ATP6V1B1: variants seen among roughly 807,000 people sequenced by gnomAD.
ATP6V1B1 encodes V-type proton ATPase subunit B, kidney isoform.
ATP6V1B1 carries 41 observed loss-of-function variants against 62.1 expected under a neutral mutation model. The observed-to-expected ratio is 0.66, with a 90% CI of 0.51 to 0.86. The LOEUF (loss-of-function observed/expected upper bound fraction) is 0.86. Among genes scored for constraint, ATP6V1B1 ranks in the 40% least tolerant of loss-of-function variants. ATP6V1B1 has a pLI of 0.00. For missense variants in ATP6V1B1, 651 were observed against 697.5 expected (o/e 0.93, Z 0.75); for synonymous variants, 253 against 273.4 (o/e 0.93, Z 0.74).
chr2:70,942,712 G>A (rs2104803179), intron 1 of ATP6V1B1, among the ~76,000 whole-genome samples: 1 of 152,328 alleles, frequency 6.6e-6, no homozygotes, highest in East Asian at 1.9e-4. Flanking sequence ...GAGGGGTTGG[G>A]CCACTCCCCT....
chr2:70,961,806 C>G, intron 8 of ATP6V1B1, 113 bp downstream of exon 8: 1 of 1,044,364 alleles, frequency 9.6e-7, no homozygotes, highest in Non-Finnish European at 1.5e-6. Flanking sequence ...TACGCCAGAG[C>G]TGGGAGAACA....
Position 70,962,704 on chromosome 2 carries a change from C to T in ATP6V1B1, c.786-73C>T, listed in dbSNP as rs868955612. On this transcript the variant is annotated intron_variant, in intron 8 of 13. Transcript: ENST00000234396. ...AACACCAGCTTCCCAGTTCACCTTG[C>T]GCTCAGCCCCCAGGCTATGTGGTGC... 63 of 1,600,094 alleles carry T rather than the reference C, an allele frequency of 3.9e-5. No individual in the cohort carries two copies. The Middle Eastern group carries it at 3.7e-3, about 94-fold the overall frequency.
chr2:70,945,934 G>A (rs935889267), intron 2 of ATP6V1B1, among the ~76,000 whole-genome samples: 2 of 151,310 alleles, frequency 1.3e-5, no homozygotes, highest in African/African-American at 4.9e-5. Context: ...TCTACTTTTT[G>A]TGGTTTTATT....
rs1415546070 is a variant in ATP6V1B1, at chr2:70,936,462, G to A, written c.118+390G>A. 3.9e-5 allele frequency among the ~76,000 whole-genome samples: 6 copies of A among 152,230 alleles called. 1 individual carries two copies. In the South Asian group the frequency reaches 1.0e-3, roughly 26 times the overall value. On this transcript the variant is annotated intron_variant, in intron 1 of 13. Transcript: ENST00000234396. ...CCAAGCACTCAGAGTCAGGCGGGGTGTGATTAAGTGTACTTGGAGTGGTGT... is the reference window on the plus strand; with the variant it reads ...CCAAGCACTCAGAGTCAGGCGGGGTATGATTAAGTGTACTTGGAGTGGTGT...
intron 2 of ATP6V1B1, among the ~76,000 whole-genome samples, chr2:70,949,095 C>A (rs1465747561): frequency 6.6e-6 from 1 of 152,160 alleles, no homozygotes; most frequent in Non-Finnish European, 1.5e-5. Flanking sequence ...AGGAAAGACA[C>A]GTAAAGTTAA....
rs576794881 is a variant in ATP6V1B1 at position 70,942,436 on chromosome 2, G to A, written c.119-1222G>A. 7.5e-6 allele frequency: 3 copies of A among 398,636 alleles called. No homozygotes were observed. The South Asian group carries it at 3.8e-4, about 51-fold the overall frequency. 24.7% of individuals were successfully genotyped at this position (398,636 alleles called of 1,614,324 possible). ...AGTTGATCTTCCTAGTCCAAGTCCT[G>A]GTGAAAAGAGCTTAGATCAAACAAA... On this transcript the variant is annotated intron_variant, in intron 1 of 13. Transcript: ENST00000234396.
At chr2:70,942,767 C>A (rs1680035501) in intron 1 of ATP6V1B1, among the ~76,000 whole-genome samples, 1 of 152,226 alleles carries the variant, frequency 6.6e-6, no homozygotes. Flanking sequence ...CTCACAGACC[C>A]CCTGCCCACC....
In ATP6V1B1 at chr2:70,958,147, G is replaced by T; in HGVS notation, c.273+3G>T. On this transcript the variant is annotated splice_donor_region_variant and intron_variant, in intron 3 of 13. Coordinates refer to ENST00000234396, the MANE Select transcript of ATP6V1B1 (RefSeq NM_001692.4). ...CTGGCACCAAGGCGATTGTTCAGGTGAGTGGGGTCAATGGGACATTGGCTA... is the reference window on the plus strand; with the variant it reads ...CTGGCACCAAGGCGATTGTTCAGGTTAGTGGGGTCAATGGGACATTGGCTA... 1 of 1,613,888 alleles carries T rather than the reference G, an allele frequency of 6.2e-7. No individual in the cohort carries two copies. The highest frequency in any genetic ancestry group is 1.1e-5 in the South Asian group (1 of 91,012).
intron 1 of ATP6V1B1, chr2:70,939,771 G>GA (rs35340804): frequency 0.49 from 74,346 of 152,162 alleles, 18,393 homozygotes; most frequent in East Asian, 0.67. Flanking sequence ...CAGCAGTGGG[G>GA]AGAGGACCCA....
intron 7 of ATP6V1B1, 169 bp downstream of exon 7, chr2:70,961,191 C>T (rs1438522274): frequency 1.3e-6 from 1 of 740,926 alleles, no homozygotes; most frequent in Non-Finnish European, 2.3e-6. Flanking sequence ...CAGGGTGTCC[C>T]AAAGGCAATC....
intron 6 of ATP6V1B1, 56 bp from the exon 7 acceptor site, chr2:70,960,864 TG>T: frequency 6.8e-7 from 1 of 1,467,736 alleles, no homozygotes; most frequent in Non-Finnish European, 9.3e-7. Flanking sequence ...TGGTGCTCAG[TG>T]GGACAGGGGT....
At chr2:70,953,111 C>A (rs1248908658) in intron 2 of ATP6V1B1, among the ~76,000 whole-genome samples, 1 of 152,160 alleles carries the variant, frequency 6.6e-6, no homozygotes, top group East Asian at 1.9e-4. Flanking sequence ...GGATTACAGG[C>A]ACCCACTACC....
intron 2 of ATP6V1B1, among the ~76,000 whole-genome samples, chr2:70,944,387 C>A (rs913344719): frequency 3.9e-5 from 6 of 151,974 alleles, no homozygotes; most frequent in African/African-American, 1.5e-4. Flanking sequence ...CTTATCCTCC[C>A]TCCACCAACC....
chr2:70,947,562 CT>C (rs1208271398), intron 2 of ATP6V1B1: 1 of 152,252 alleles, frequency 6.6e-6, no homozygotes, highest in Admixed American at 6.5e-5. Context: ...TCCCCAATGT[CT>C]GTGGCTGCTT....
In ATP6V1B1 at chr2:70,961,997, CAAG is replaced by C. The variant is rs1433883508; in HGVS notation, c.785+309_785+311del. ...CTGTGTCACATCCACAAAGTCACCC[CAAG>C]AAGATCAAACTGCTATTATAAAAGT... On this transcript the variant is annotated intron_variant, in intron 8 of 13. Coordinates refer to ENST00000234396, the MANE Select transcript of ATP6V1B1 (RefSeq NM_001692.4). 1.6e-4 allele frequency among the ~76,000 whole-genome samples: 10 copies of C among 62,818 alleles called. No individual in the cohort carries two copies. In the Admixed American group the frequency reaches 1.8e-3, roughly 11 times the overall value. 41.2% of individuals were successfully genotyped at this position (62,818 alleles called of 152,430 possible).
rs369442690 is a variant in ATP6V1B1 at position 70,943,684 on chromosome 2, G to T, written c.145G>T (p.Gly49Trp). 6.2e-7 allele frequency: 1 copy of T among 1,613,812 alleles called. No individual in the cohort carries two copies. The highest frequency in any genetic ancestry group is 1.3e-5 in the African/African-American group (1 of 74,990). Residue 49 changes from glycine to tryptophan, a missense_variant, in exon 2 of 14, where the codon GGG becomes TGG. Gly to Trp is a radical substitution (Grantham distance 184). Transcript: ENST00000234396. ...CTACAGGACTGTGTGCAGCGTGAAC[G>T]GGCCCCTGGTGGTGCTGGACCGGGT... ...VTYRTVCSVN[G>W]PLVVLDRVKF...
chr2:70,944,067 C>T (rs1558670047), intron 2 of ATP6V1B1: 1 of 1,303,248 alleles, frequency 7.7e-7, no homozygotes. Flanking sequence ...CACGGCTGTA[C>T]CTAACCTCCT....
chr2:70,938,615 A>G (rs1369695896), intron 1 of ATP6V1B1: 1 of 985,200 alleles, frequency 1.0e-6, no homozygotes, highest in Admixed American at 6.2e-5. Flanking sequence ...AGAAAGGAGG[A>G]GACACTAGAA....
At chr2:70,946,755 C>G (rs1680184978) in intron 2 of ATP6V1B1, among the ~76,000 whole-genome samples, 1 of 152,180 alleles carries the variant, frequency 6.6e-6, no homozygotes, top group South Asian at 2.1e-4. Context: ...CTCCACCACA[C>G]TCTCCACCAG....
Sources: gnomAD v4.1 joint callset for allele counts (sites outside exome capture counted in the v4.1 genomes callset) on GRCh38, gnomAD v4.1.1 for gene constraint, MANE v1.5 for transcripts, NCBI Gene and HGNC (gene_info 2026-07-23, HGNC 2026-07-21) for gene names.